BEND7: variants seen among roughly 807,000 people sequenced by gnomAD.
The protein encoded by BEND7 is BEN domain-containing protein 7.
In BEND7, 28 loss-of-function variants were observed where a neutral mutation model predicts 50.9. The observed-to-expected ratio is 0.55, with a 90% CI of 0.41 to 0.75. The LOEUF (loss-of-function observed/expected upper bound fraction) is 0.75. BEND7 is among the 30% of genes least tolerant of loss of function. The pLI is 0.00. For synonymous variants in BEND7, 170 were observed against 183.9 expected, an observed-to-expected ratio of 0.92 and a Z score of 0.61; for missense variants, 477 against 491.3, an observed-to-expected ratio of 0.97 and a Z score of 0.28.
At chr10:13,500,117 A>C (rs750551092) in intron 2 of BEND7, 37 bp from the exon 3 acceptor site, 28 of 1,471,756 alleles carry the variant, frequency 1.9e-5, no homozygotes, top group Non-Finnish European at 2.4e-5. Context: ...ACTCTAAATT[A>C]GTGAAAGAGA....
At chr10:13,454,554 A>G (rs1838507610) in intron 6 of BEND7, among the ~76,000 whole-genome samples, 1 of 151,934 alleles carries the variant, frequency 6.6e-6, no homozygotes, top group Non-Finnish European at 1.5e-5. Flanking sequence ...TAGGAGTTCA[A>G]GGCTGCAGTG....
chr10:13,504,261 TG>T (rs1588992449), intron 2 of BEND7, among the ~76,000 whole-genome samples: 1 of 152,164 alleles, frequency 6.6e-6, no homozygotes, highest in Admixed American at 6.5e-5. Flanking sequence ...CACCCACACC[TG>T]GTCTCGCCTC....
intron 5 of BEND7, among the ~76,000 whole-genome samples, chr10:13,488,527 C>G (rs1184324189): frequency 6.6e-6 from 1 of 151,942 alleles, no homozygotes; most frequent in East Asian, 1.9e-4. Flanking sequence ...CTTGCTCTGT[C>G]GCCAGGCTGG....
At chr10:13,457,746 C>T (rs999617078) in intron 6 of BEND7, among the ~76,000 whole-genome samples, 11 of 152,196 alleles carry the variant, frequency 7.2e-5, no homozygotes, top group Admixed American at 6.5e-4. Context: ...TGCATTTTTG[C>T]TACCTGAATC....
At chr10:13,515,922 G>C (rs1444864833) in intron 2 of BEND7, among the ~76,000 whole-genome samples, 3 of 151,910 alleles carry the variant, frequency 2.0e-5, no homozygotes, top group African/African-American at 7.3e-5. Flanking sequence ...ATCAACAATG[G>C]TGTACGTTTA....
At chr10:13,472,181 A>G (rs7922196) in intron 6 of BEND7, among the ~76,000 whole-genome samples, 86,210 of 151,084 alleles carry the variant, frequency 0.57, 24,913 homozygotes, top group East Asian at 0.75. Context: ...TGTTACACTC[A>G]GGGCCGATAC....
At chr10:13,516,378 G>A (rs780892728) in intron 2 of BEND7, among the ~76,000 whole-genome samples, 1 of 152,216 alleles carries the variant, frequency 6.6e-6, no homozygotes, top group Non-Finnish European at 1.5e-5. Context: ...AGGGGCACAG[G>A]AGTGCATCCT....
intron 1 of BEND7, among the ~76,000 whole-genome samples, chr10:13,526,832 C>T (rs1412174320): frequency 1.3e-5 from 2 of 152,022 alleles, no homozygotes; most frequent in African/African-American, 2.4e-5. Context: ...ACTGCACCTG[C>T]AGAGAAAGAG....
chr10:13,459,336 T>C (rs1262016282), intron 6 of BEND7, among the ~76,000 whole-genome samples: 1 of 152,158 alleles, frequency 6.6e-6, no homozygotes, highest in Non-Finnish European at 1.5e-5. Flanking sequence ...GATTTACACA[T>C]ACTTTGAACT....
At chr10:13,513,024 C>CAGAT (rs2078391805) in intron 2 of BEND7, among the ~76,000 whole-genome samples, 1 of 152,202 alleles carries the variant, frequency 6.6e-6, no homozygotes, top group African/African-American at 2.4e-5. Flanking sequence ...AACGCACATA[C>CAGAT]AGATATGTAT....
At chr10:13,524,223 C>A (rs114158797) in intron 2 of BEND7, among the ~76,000 whole-genome samples, 1 of 152,336 alleles carries the variant, frequency 6.6e-6, no homozygotes, top group African/African-American at 2.4e-5. Context: ...GCGGGAAAGC[C>A]TGCCTTGCTG....
chr10:13,439,151 A>C, downstream of BEND7: 1 of 1,566,854 alleles, frequency 6.4e-7, no homozygotes, highest in South Asian at 1.2e-5. Context: ...ATACACACAC[A>C]CATAAATAAG....
rs1369245606 is a variant in BEND7 at position 13,492,884 on chromosome 10, T to C, written c.572-8A>G. The C allele has an allele frequency of 1.9e-6, 3 of 1,592,916 alleles. No homozygotes were observed. Among genetic ancestry groups the C allele is most frequent in the Middle Eastern group, 1.7e-4 (1 of 5,980 alleles). On this transcript the variant is annotated splice_polypyrimidine_tract_variant and splice_region_variant and intron_variant, in intron 4 of 8. Transcript: ENST00000466271. ...GTCTGTTTTGAGTTCCAACTGCGAA[T>C]AATAAACAAAAATATGGTACAGGCA...
chr10:13,474,167 G>A (rs377567886), intron 6 of BEND7, among the ~76,000 whole-genome samples: 81 of 151,522 alleles, frequency 5.3e-4, no homozygotes, highest in African/African-American at 1.4e-3. Flanking sequence ...ATCTGTCATC[G>A]CTGTTAGATT....
At chr10:13,526,248 A>G (rs1217891904) in intron 1 of BEND7, 27 bp from the exon 2 acceptor site, 3 of 1,216,070 alleles carry the variant, frequency 2.5e-6, no homozygotes, top group African/African-American at 3.1e-5. Context: ...ACCAAAAATT[A>G]GAATCCTAAG....
intron 6 of BEND7, 102 bp downstream of exon 6, chr10:13,480,797 G>C: frequency 4.5e-6 from 7 of 1,538,600 alleles, no homozygotes; most frequent in Non-Finnish European, 6.1e-6. Flanking sequence ...AATGGCAAAT[G>C]AAACTGGCCA....
intron 6 of BEND7, among the ~76,000 whole-genome samples, chr10:13,465,021 T>C (rs1005327327): frequency 6.6e-6 from 1 of 152,210 alleles, no homozygotes; most frequent in African/African-American, 2.4e-5. Flanking sequence ...AGTGATTTTT[T>C]AAAATAACAA....
At chr10:13,478,586 G>C (rs913709778) in intron 6 of BEND7, among the ~76,000 whole-genome samples, 1 of 102,396 alleles carries the variant, frequency 9.8e-6, no homozygotes, top group African/African-American at 3.2e-5. Context: ...AAAATGGTAA[G>C]AATGTATAAT....
At position 13,441,297 on chromosome 10, in the gene BEND7, ATT is replaced by A; in HGVS notation, c.*444_*445del. On this transcript the variant is annotated 3_prime_UTR_variant, in exon 9 of 9. Coordinates refer to ENST00000466271, the MANE Select transcript of BEND7 (RefSeq NM_001369863.1). ...ATTGAGACATTATCCATAGATATGG[ATT>A]TTTTTTTTGCTAAGAAAGCCTATAA... The A allele has an allele frequency of 1.1e-6, 1 of 903,290 alleles. No homozygotes were observed. Among genetic ancestry groups the A allele is most frequent in the Non-Finnish European group, 1.3e-6 (1 of 754,578 alleles). 56.0% of individuals were successfully genotyped at this position (903,290 alleles called of 1,614,324 possible).
Sources: gnomAD v4.1 joint callset for allele counts (sites outside exome capture counted in the v4.1 genomes callset) on GRCh38, gnomAD v4.1.1 for gene constraint, MANE v1.5 for transcripts, NCBI Gene and HGNC (gene_info 2026-07-23, HGNC 2026-07-21) for gene names.